The following SPAG9 variants were observed in gnomAD, a reference collection of about 807,000 sequenced individuals.
SPAG9 encodes the protein sperm associated antigen 9, also known as C-Jun-amino-terminal kinase-interacting protein 4.
SPAG9 carries 35 observed loss-of-function variants against 166.5 expected under a neutral mutation model. The ratio of observed to expected loss-of-function variants is 0.21; its 90% CI spans 0.16 to 0.28. The LOEUF (loss-of-function observed/expected upper bound fraction) is 0.28. Among genes scored for constraint, SPAG9 ranks in the 10% least tolerant of loss-of-function variants. The pLI is 1.00. For synonymous variants in SPAG9, 534 were observed against 565.5 expected (o/e 0.94, Z 0.79); for missense variants, 1,235 against 1,603.3 (o/e 0.77, Z 3.92).
intron 4 of SPAG9, among the ~76,000 whole-genome samples, chr17:51,045,539 A>G (rs2046988544): frequency 6.6e-6 from 1 of 152,132 alleles, no homozygotes; most frequent in Non-Finnish European, 1.5e-5. Context: ...CATTAAGGGA[A>G]GTTACTACTT....
intron 1 of SPAG9, among the ~76,000 whole-genome samples, chr17:51,098,132 A>G (rs1488420093): frequency 6.6e-6 from 1 of 151,350 alleles, no homozygotes; most frequent in African/African-American, 2.4e-5. Flanking sequence ...CCTACCCCAC[A>G]TATTTGGTCA....
At chr17:51,053,855 GTA>G (rs1161592026) in intron 3 of SPAG9, among the ~76,000 whole-genome samples, 1,470 of 37,604 alleles carry the variant, frequency 0.039, 48 homozygotes, top group South Asian at 0.092. Context: ...AAAAAAAAAA[GTA>G]TATATATATA....
intron 1 of SPAG9, among the ~76,000 whole-genome samples, chr17:51,107,617 C>T (rs1283972370): frequency 6.6e-6 from 1 of 151,508 alleles, no homozygotes; most frequent in Non-Finnish European, 1.5e-5. Context: ...CGCGCCTATA[C>T]TCTCAGCTAC....
chr17:51,034,468 AGGAT>A (rs1172028725), intron 5 of SPAG9, among the ~76,000 whole-genome samples: 33 of 152,212 alleles, frequency 2.2e-4, no homozygotes, highest in Admixed American at 2.2e-3. Flanking sequence ...CATTCAAAAA[AGGAT>A]GGGGTATGTC....
At chr17:51,034,952 G>C (rs1486863236) in intron 5 of SPAG9, among the ~76,000 whole-genome samples, 1 of 152,220 alleles carries the variant, frequency 6.6e-6, no homozygotes, top group African/African-American at 2.4e-5. Flanking sequence ...TCAAGGTCAT[G>C]AAAGACAAGA....
chr17:51,025,836 G>A lies in SPAG9; in HGVS notation c.784-4471C>T, dbSNP rs572131363. ...GAACCCAGGAGGCAGAGGCTGCAGT[G>A]AGCTCAGATTGCACCCATGTTATCA... On this transcript the variant is annotated intron_variant, in intron 6 of 29. Coordinates refer to ENST00000262013, the MANE Select transcript of SPAG9 (RefSeq NM_001130528.3). 6.6e-5 allele frequency among the ~76,000 whole-genome samples: 10 copies of A among 152,292 alleles called. No homozygotes were observed. The South Asian group carries it at 1.9e-3, about 28-fold the overall frequency.
intron 1 of SPAG9, among the ~76,000 whole-genome samples, chr17:51,113,087 C>T (rs745366809): frequency 6.6e-6 from 1 of 151,814 alleles, no homozygotes; most frequent in Admixed American, 6.6e-5. Flanking sequence ...GGCGTGGTGG[C>T]TCACACCCAT....
At chr17:50,979,684 A>G in intron 26 of SPAG9, 62 bp downstream of exon 26, 1 of 1,497,468 alleles carries the variant, frequency 6.7e-7, no homozygotes, top group Middle Eastern at 1.8e-4. Context: ...CAATAAACAC[A>G]TAGATAGATA....
At chr17:51,060,453 A>T (rs914175760) in intron 2 of SPAG9, among the ~76,000 whole-genome samples, 1 of 148,460 alleles carries the variant, frequency 6.7e-6, no homozygotes, top group East Asian at 2.0e-4. Flanking sequence ...CCGTGAGCTG[A>T]GACTGTACCA....
chr17:51,066,914 T>A (rs979653353), intron 2 of SPAG9, among the ~76,000 whole-genome samples: 5 of 151,874 alleles, frequency 3.3e-5, no homozygotes, highest in Non-Finnish European at 7.4e-5. Flanking sequence ...ATAGTTTACG[T>A]CTGTTATTAT....
intron 21 of SPAG9, among the ~76,000 whole-genome samples, chr17:50,988,447 A>G (rs1975249476): frequency 1.3e-5 from 2 of 152,334 alleles, no homozygotes; most frequent in Admixed American, 1.3e-4. Flanking sequence ...AGAGACTCTC[A>G]TCTAGAGGGG....
chr17:51,026,568 C>T (rs2046181453), intron 6 of SPAG9, among the ~76,000 whole-genome samples: 1 of 151,640 alleles, frequency 6.6e-6, no homozygotes, highest in Non-Finnish European at 1.5e-5. Flanking sequence ...TAAAATAGCC[C>T]AATGTGTGGG....
chr17:50,989,816 T>C lies in SPAG9; in HGVS notation c.2674A>G (p.Thr892Ala), dbSNP rs374382359. ...DENVPTAEEA[T>A]EATEGNAGSA... ...CCCGCATTCCCTTCTGTAGCTTCAG[T>C]TGCTTCTTCTGCTGTTGGAACATTT... Residue 892 changes from threonine to alanine, a missense_variant, in exon 21 of 30, where the codon ACT becomes GCT. Transcript: ENST00000262013. The C allele has an allele frequency of 3.1e-6, 5 of 1,614,102 alleles. No individual in the cohort carries two copies. The highest frequency in any genetic ancestry group is 4.2e-6 in the Non-Finnish European group (5 of 1,180,040).
chr17:51,046,481 C>T lies in SPAG9; in HGVS notation c.590+894G>A, dbSNP rs765138444. The T allele has an allele frequency of 1.6e-5, 25 of 1,521,838 alleles. No individual in the cohort carries two copies. The South Asian group carries it at 3.0e-4, about 18-fold the overall frequency. 94.3% of individuals were successfully genotyped at this position (1,521,838 alleles called of 1,614,324 possible). On this transcript the variant is annotated intron_variant, in intron 4 of 29. Transcript: ENST00000262013. ...ATAAAAACCAGCTAAGCAGGGGCTT[C>T]TAAGAGAGATGGGAGTACCTGAGTA...
At chr17:51,017,225 C>T (rs185077543) in intron 8 of SPAG9, among the ~76,000 whole-genome samples, 7 of 152,172 alleles carry the variant, frequency 4.6e-5, no homozygotes, top group East Asian at 3.9e-4. Context: ...CTATTCTAGA[C>T]GCACAGGAGC....
At chr17:50,988,148 G>A (rs539985526) in intron 21 of SPAG9, among the ~76,000 whole-genome samples, 46 of 152,260 alleles carry the variant, frequency 3.0e-4, no homozygotes, top group Admixed American at 5.2e-4. Flanking sequence ...CCTGGAAGGC[G>A]GAGGTTGCAG....
intron 5 of SPAG9, among the ~76,000 whole-genome samples, chr17:51,038,754 C>T (rs1192027250): frequency 1.3e-5 from 2 of 152,160 alleles, no homozygotes; most frequent in South Asian, 4.1e-4. Context: ...CTCTCATACC[C>T]TAAAATGAGT....
At chr17:50,994,205 G>C (rs927387877) in intron 18 of SPAG9, among the ~76,000 whole-genome samples, 2 of 152,114 alleles carry the variant, frequency 1.3e-5, no homozygotes, top group Admixed American at 6.6e-5. Flanking sequence ...CTATTCTCGT[G>C]ATAGTGAATA....
At chr17:51,103,810 A>G (rs1475592640) in intron 1 of SPAG9, among the ~76,000 whole-genome samples, 3 of 152,166 alleles carry the variant, frequency 2.0e-5, no homozygotes, top group African/African-American at 7.2e-5. Context: ...GCCATACTGG[A>G]AGCAGAAAAA....
Sources: allele counts gnomAD v4.1 joint callset (sites outside exome capture counted in the v4.1 genomes callset), GRCh38; gene constraint gnomAD v4.1.1; transcripts MANE v1.5; gene names NCBI Gene and HGNC (gene_info 2026-07-23, HGNC 2026-07-21).